The following TTC7A variants were observed in gnomAD, a reference collection of about 807,000 sequenced individuals.
The protein encoded by TTC7A is tetratricopeptide repeat domain 7A.
In TTC7A, 110 loss-of-function variants were observed where a neutral mutation model predicts 103.7. The observed-to-expected ratio is 1.06, with a 90% CI of 0.91 to 1.24. The LOEUF is 1.24. Ranked by LOEUF, TTC7A falls within the 50% of genes most tolerant of loss-of-function variation. The pLI is 0.00. For missense variants in TTC7A, 1,340 were observed against 1,116.3 expected (o/e 1.20, Z -2.86); for synonymous variants, 521 against 467.9 (o/e 1.11, Z -1.47).
chr2:47,000,282 G>A (rs993054525), intron 8 of TTC7A, among the ~76,000 whole-genome samples: 1 of 151,878 alleles, frequency 6.6e-6, no homozygotes, highest in Non-Finnish European at 1.5e-5. Flanking sequence ...GTGCTTCCTG[G>A]GCTTGATTCC....
chr2:47,006,055 CG>C lies in TTC7A; in HGVS notation c.1201del (p.Glu401SerfsTer7). ...LGRRGQYVML[S>X]ECLERAMKFA... ...AGAAGGGGACAGTACGTCATGCTCT[CG>C]GAGGTACGGCCGGCCATGCAGCCCA... is the stretch of plus-strand genomic sequence containing the variant. On this transcript the variant is annotated frameshift_variant, in exon 9 of 20. Coordinates refer to ENST00000319190, the MANE Select transcript of TTC7A (RefSeq NM_020458.4). LOFTEE classifies it high-confidence loss of function. 6.2e-7 allele frequency: 1 copy of C among 1,613,046 alleles called. No individual in the cohort carries two copies. The highest frequency in any genetic ancestry group is 8.5e-7 in the Non-Finnish European group (1 of 1,179,734).
chr2:46,984,026 C>G (rs915894277), intron 5 of TTC7A, among the ~76,000 whole-genome samples: 3 of 152,200 alleles, frequency 2.0e-5, no homozygotes, highest in African/African-American at 7.2e-5. Context: ...TTAGGAAGGG[C>G]TAAATTCACA....
chr2:47,022,541 C>T (rs1385688152), intron 12 of TTC7A, among the ~76,000 whole-genome samples: 3 of 152,196 alleles, frequency 2.0e-5, no homozygotes, highest in African/African-American at 7.2e-5. Flanking sequence ...AGCCATGTGT[C>T]TTACTCCGTC....
chr2:46,941,420 G>T lies in TTC7A; in HGVS notation c.-122G>T. 2 of 1,069,948 alleles carry T rather than the reference G, an allele frequency of 1.9e-6. No homozygotes were observed. The highest frequency in any genetic ancestry group is 8.8e-5 in the South Asian group (2 of 22,670). 66.3% of individuals were successfully genotyped at this position (1,069,948 alleles called of 1,614,324 possible). A position where few individuals can be genotyped will look rare whatever the true frequency, so the allele number is the denominator to read the frequency against. ...GCCGCCCGGGCCCCCGCTGCCGCCCGGGCCCCGGCTGCCGTCTGCGCCCCC... is the reference window on the plus strand; with the variant it reads ...GCCGCCCGGGCCCCCGCTGCCGCCCTGGCCCCGGCTGCCGTCTGCGCCCCC... On this transcript the variant is annotated 5_prime_UTR_variant, in exon 1 of 20. Transcript: ENST00000319190. This position sits in a 1 kb window ranked among gnomAD's most constrained non-coding sequence, Gnocchi z 4.2.
intron 16 of TTC7A, among the ~76,000 whole-genome samples, chr2:47,047,614 A>G (rs1029313705): frequency 6.6e-6 from 1 of 152,192 alleles, no homozygotes; most frequent in Non-Finnish European, 1.5e-5. Flanking sequence ...CCTTCCTGCA[A>G]GGGGGTTGCT....
At chr2:46,935,549 G>A (rs538103680) in intron 2 of TTC7A, among the ~76,000 whole-genome samples, 14 of 152,192 alleles carry the variant, frequency 9.2e-5, no homozygotes, top group East Asian at 1.9e-4. Context: ...TAAGCTTTGC[G>A]TTATCACAAA....
Position 47,075,811 on chromosome 2 carries a change from G to C in TTC7A, c.*1888G>C, listed in dbSNP as rs1685167234. 6.6e-6 allele frequency: 1 copy of C among 152,494 alleles called. No homozygotes were observed. The highest frequency in any genetic ancestry group is 2.4e-5 in the African/African-American group (1 of 41,460). 9.4% of individuals were successfully genotyped at this position (152,494 alleles called of 1,614,324 possible). A position where few individuals can be genotyped will look rare whatever the true frequency, so the allele number is the denominator to read the frequency against. On this transcript the variant is annotated 3_prime_UTR_variant, in exon 20 of 20. Coordinates refer to ENST00000319190, the MANE Select transcript of TTC7A (RefSeq NM_020458.4). ...GCCTGGAGAGGGTAGGAGGAGGCAA[G>C]AGGGGTCCAGGCAGGGCTGATCCTG...
chr2:47,058,164 G>C (rs150725053), intron 18 of TTC7A, among the ~76,000 whole-genome samples: 1 of 152,100 alleles, frequency 6.6e-6, no homozygotes, highest in African/African-American at 2.4e-5. Flanking sequence ...CATTTCCTCT[G>C]CTCTCTGCCT....
At chr2:46,957,649 G>A (rs1475143758) in intron 3 of TTC7A, among the ~76,000 whole-genome samples, 1 of 152,208 alleles carries the variant, frequency 6.6e-6, no homozygotes, top group Admixed American at 6.5e-5. Flanking sequence ...TTATGAGGGG[G>A]CTGTGGACAG....
chr2:47,007,775 T>C lies in TTC7A; in HGVS notation c.1287+1051T>C, dbSNP rs1287006574. ...CCTACCCCCATCTGCTGGGCATGTG[T>C]CTTTCCAAACCTCTCTCCTCTCCCC... is the stretch of plus-strand genomic sequence containing the variant. On this transcript the variant is annotated intron_variant, in intron 10 of 19. Coordinates refer to ENST00000319190, the MANE Select transcript of TTC7A (RefSeq NM_020458.4). The surrounding 1 kb of genome is among the most constrained non-coding windows in gnomAD (Gnocchi z 4.9). 6.6e-6 allele frequency among the ~76,000 whole-genome samples: 1 copy of C among 152,162 alleles called. No individual in the cohort carries two copies. Among genetic ancestry groups the C allele is most frequent in the African/African-American group, 2.4e-5 (1 of 41,432 alleles).
chr2:47,052,878 A>G (rs974725486), intron 18 of TTC7A, among the ~76,000 whole-genome samples: 13 of 152,052 alleles, frequency 8.5e-5, no homozygotes, highest in Admixed American at 2.6e-4. Context: ...GGGGTGTGCT[A>G]TTGTCCCCAG....
At chr2:47,070,396 C>T (rs1446900519) in intron 19 of TTC7A, among the ~76,000 whole-genome samples, 1 of 152,224 alleles carries the variant, frequency 6.6e-6, no homozygotes, top group African/African-American at 2.4e-5. Context: ...ATCGGAGGTC[C>T]ACATCTGTGT....
chr2:47,035,825 C>T (rs1184571020), intron 15 of TTC7A, among the ~76,000 whole-genome samples: 2 of 152,118 alleles, frequency 1.3e-5, no homozygotes, highest in African/African-American at 4.8e-5. Flanking sequence ...AGCCTTTTTG[C>T]GCCTGGGAGA....
chr2:47,064,595 C>G (rs1463049391), intron 19 of TTC7A, among the ~76,000 whole-genome samples: 1 of 152,226 alleles, frequency 6.6e-6, no homozygotes, highest in African/African-American at 2.4e-5. Flanking sequence ...GAGCTTATCT[C>G]TGCTCTGCCA....
chr2:46,944,862 A>G (rs1318504367), intron 1 of TTC7A, among the ~76,000 whole-genome samples: 1 of 152,140 alleles, frequency 6.6e-6, no homozygotes, highest in African/African-American at 2.4e-5. Context: ...TTTTGAAAAT[A>G]TAGCCACTGT....
intron 5 of TTC7A, among the ~76,000 whole-genome samples, chr2:46,992,116 C>T (rs1445450745): frequency 2.6e-5 from 4 of 152,198 alleles, no homozygotes; most frequent in African/African-American, 9.6e-5. Flanking sequence ...TTTCTGAATT[C>T]GCCAGCCCAG....
intron 14 of TTC7A, among the ~76,000 whole-genome samples, chr2:47,028,120 GGTGTTGT>G (rs1162178670): frequency 6.6e-6 from 1 of 152,034 alleles, no homozygotes; most frequent in African/African-American, 2.4e-5. Flanking sequence ...CCATCCTGGG[GGTGTTGT>G]GTTGTGCTGA....
chr2:46,984,533 C>A (rs1028926416), intron 5 of TTC7A, among the ~76,000 whole-genome samples: 2 of 152,208 alleles, frequency 1.3e-5, no homozygotes, highest in East Asian at 1.9e-4. Context: ...TTAACTTCCT[C>A]TCCATTGAGA....
chr2:46,943,490 C>A (rs938875464), intron 1 of TTC7A, among the ~76,000 whole-genome samples: 1 of 150,732 alleles, frequency 6.6e-6, no homozygotes, highest in African/African-American at 2.5e-5. Context: ...ATTTTTCTCC[C>A]AGTTAAATCC....
Sources: allele counts gnomAD v4.1 joint callset (sites outside exome capture counted in the v4.1 genomes callset), GRCh38; gene constraint gnomAD v4.1.1; non-coding constraint Gnocchi (gnomAD v3.1); transcripts MANE v1.5; gene names NCBI Gene and HGNC (gene_info 2026-07-23, HGNC 2026-07-21).